CTNNA2: variants seen among roughly 807,000 people sequenced by gnomAD.
CTNNA2 encodes catenin alpha 2.
A neutral mutation model predicts 101.0 loss-of-function variants in CTNNA2; 42 were observed. The ratio of observed to expected loss-of-function variants is 0.42; its 90% CI spans 0.32 to 0.54. The LOEUF (loss-of-function observed/expected upper bound fraction) is 0.54, where lower values mean the gene tolerates loss of function less well. CTNNA2 is among the 20% of genes least tolerant of loss of function. The probability of loss-of-function intolerance (pLI) is 0.14; values close to 1 mark genes in which losing one functional copy is unlikely to be tolerated. For synonymous variants in CTNNA2, 450 were observed against 456.4 expected, an observed-to-expected ratio of 0.99 and a Z score of 0.18; for missense variants, 871 against 1,223.1, an observed-to-expected ratio of 0.71 and a Z score of 4.29.
intron 2 of CTNNA2, among the ~76,000 whole-genome samples, chr2:79,262,587 A>G (rs1193847552): frequency 2.0e-5 from 3 of 152,142 alleles, no homozygotes; most frequent in Admixed American, 1.3e-4. Flanking sequence ...AGCGGCTCCC[A>G]AAGTATGTGT....
chr2:79,409,608 G>T (rs1678383854), intron 4 of CTNNA2, among the ~76,000 whole-genome samples: 1 of 150,280 alleles, frequency 6.7e-6, no homozygotes, highest in Non-Finnish European at 1.5e-5. Context: ...TCAGATAGTT[G>T]TAGATATGCG....
At chr2:80,528,098 G>A (rs1385916108) in intron 9 of CTNNA2, among the ~76,000 whole-genome samples, 1 of 152,194 alleles carries the variant, frequency 6.6e-6, no homozygotes, top group Non-Finnish European at 1.5e-5. Flanking sequence ...AATTCTTCTT[G>A]GTAAATGGAT....
chr2:79,696,484 G>T (rs1174651313), intron 2 of CTNNA2, among the ~76,000 whole-genome samples: 1 of 152,004 alleles, frequency 6.6e-6, no homozygotes, highest in Non-Finnish European at 1.5e-5. Context: ...AATGTTTACG[G>T]TTGGCATGGA....
chr2:79,659,956 G>T (rs1681904835), intron 2 of CTNNA2, among the ~76,000 whole-genome samples: 1 of 152,256 alleles, frequency 6.6e-6, no homozygotes, highest in African/African-American at 2.4e-5. Context: ...TGGTGCCAGT[G>T]CACTCCAGCC....
intron 4 of CTNNA2, among the ~76,000 whole-genome samples, chr2:79,478,325 G>A (rs992461233): frequency 2.0e-5 from 3 of 152,190 alleles, no homozygotes; most frequent in Non-Finnish European, 4.4e-5. Context: ...TGGAAGTGAT[G>A]AATAGCGGTC....
intron 7 of CTNNA2, among the ~76,000 whole-genome samples, chr2:80,054,024 A>G (rs193287879): frequency 1.3e-5 from 2 of 152,376 alleles, no homozygotes; most frequent in East Asian, 1.9e-4. Context: ...AGTGAACCAT[A>G]CAGTGGGCAA....
intron 2 of CTNNA2, among the ~76,000 whole-genome samples, chr2:79,654,910 A>G (rs1373665618): frequency 6.6e-6 from 1 of 152,218 alleles, no homozygotes; most frequent in African/African-American, 2.4e-5. Flanking sequence ...GTCTGCAGTA[A>G]GAACAAAATT....
At chr2:79,214,573 G>A (rs61119600) in intron 2 of CTNNA2, among the ~76,000 whole-genome samples, 9,617 of 152,096 alleles carry the variant, frequency 0.063, 390 homozygotes, top group East Asian at 0.15. Context: ...GGCATTGAGC[G>A]GGGTAAGGGT....
At chr2:80,637,173 G>C (rs1177828790) in intron 18 of CTNNA2, among the ~76,000 whole-genome samples, 1 of 152,142 alleles carries the variant, frequency 6.6e-6, no homozygotes, top group Non-Finnish European at 1.5e-5. Flanking sequence ...GACTCACCTG[G>C]TGATTTAAGG....
intron 7 of CTNNA2, among the ~76,000 whole-genome samples, chr2:80,375,669 A>G (rs1675883222): frequency 7.0e-6 from 1 of 143,556 alleles, no homozygotes; most frequent in Non-Finnish European, 1.5e-5. Context: ...GGTTCATGCC[A>G]TTCTCCTGCC....
intron 7 of CTNNA2, among the ~76,000 whole-genome samples, chr2:80,045,965 G>T (rs1272501889): frequency 6.6e-6 from 1 of 152,170 alleles, no homozygotes; most frequent in East Asian, 1.9e-4. Flanking sequence ...CGAAAAGTGA[G>T]AGTAGATCAC....
intron 7 of CTNNA2, among the ~76,000 whole-genome samples, chr2:80,172,425 G>A (rs1319550): frequency 0.58 from 88,651 of 152,006 alleles, 26,123 homozygotes; most frequent in Non-Finnish European, 0.63. Flanking sequence ...ACTGTTCTCT[G>A]AAAGGAAGCA....
At chr2:79,257,921 C>T (rs1340603308) in intron 2 of CTNNA2, among the ~76,000 whole-genome samples, 1 of 152,114 alleles carries the variant, frequency 6.6e-6, no homozygotes, top group Non-Finnish European at 1.5e-5. Context: ...TCCCCCTTGC[C>T]CCCTCCTAGC....
At position 79,956,483 on chromosome 2, in the gene CTNNA2, T is replaced by G. The variant is rs183138214; in HGVS notation, c.1056+46686T>G. ...TCATACAACTTTTAAGAACCATTCC[T>G]TTATCAATATAAAGTATTCCCTTAT... On this transcript the variant is annotated intron_variant, in intron 7 of 18. Transcript: ENST00000402739. 1.1e-3 allele frequency among the ~76,000 whole-genome samples: 165 copies of G among 152,296 alleles called. 1 individual carries two copies. Among genetic ancestry groups the G allele is most frequent in the African/African-American group, 3.7e-3 (154 of 41,554 alleles).
At chr2:80,093,678 CTT>C (rs1174489455) in intron 7 of CTNNA2, among the ~76,000 whole-genome samples, 1 of 146,156 alleles carries the variant, frequency 6.8e-6, no homozygotes, top group African/African-American at 2.7e-5. Flanking sequence ...TTTTTCCTGA[CTT>C]TTTAATGATC....
At chr2:79,517,066 A>T (rs1249894521) in intron 1 of CTNNA2, among the ~76,000 whole-genome samples, 1 of 152,112 alleles carries the variant, frequency 6.6e-6, no homozygotes, top group African/African-American at 2.4e-5. Context: ...CTAATGTGTG[A>T]TGAGGATAGA....
intron 7 of CTNNA2, among the ~76,000 whole-genome samples, chr2:80,351,976 C>T (rs1011805968): frequency 2.6e-5 from 4 of 152,126 alleles, no homozygotes; most frequent in African/African-American, 7.2e-5. Flanking sequence ...GACCTTTCCT[C>T]TCTTTGCAGG....
At chr2:80,610,762 T>A (rs961159950) in intron 17 of CTNNA2, among the ~76,000 whole-genome samples, 2 of 151,742 alleles carry the variant, frequency 1.3e-5, no homozygotes, top group Non-Finnish European at 2.9e-5. Flanking sequence ...TATGTCAGCG[T>A]GTTTTTGTTT....
At chr2:80,374,453 T>G (rs891554946) in intron 7 of CTNNA2, among the ~76,000 whole-genome samples, 1 of 152,142 alleles carries the variant, frequency 6.6e-6, no homozygotes, top group African/African-American at 2.4e-5. Context: ...TTTAACCAAT[T>G]TACCGTTCAT....
Sources: allele counts gnomAD v4.1 joint callset (sites outside exome capture counted in the v4.1 genomes callset), GRCh38; gene constraint gnomAD v4.1.1; transcripts MANE v1.5; gene names NCBI Gene and HGNC (gene_info 2026-07-23, HGNC 2026-07-21).